ZRANB3: variants seen among roughly 807,000 people sequenced by gnomAD.
ZRANB3 encodes the protein zinc finger RANBP2-type containing 3, also known as DNA annealing helicase and endonuclease ZRANB3.
Under a neutral mutation model 133.8 loss-of-function variants are expected in ZRANB3, and 125 were observed. The observed-to-expected ratio is 0.93, with a 90% CI of 0.81 to 1.08. The LOEUF is 1.08. Ranked by LOEUF, ZRANB3 falls within the 50% of genes least tolerant of loss-of-function variation. ZRANB3 has a pLI of 0.00. For missense variants in ZRANB3, 1,229 were observed against 1,275.5 expected, an observed-to-expected ratio of 0.96 and a Z score of 0.56; for synonymous variants, 387 against 432.7, an observed-to-expected ratio of 0.89 and a Z score of 1.31.
chr2:135,493,421 G>C (rs1692507458), intron 2 of ZRANB3, among the ~76,000 whole-genome samples: 1 of 150,774 alleles, frequency 6.6e-6, no homozygotes, highest in Non-Finnish European at 1.5e-5. Context: ...CTTATATCTA[G>C]AATATAAAAA....
rs370862764 is a variant in ZRANB3, at chr2:135,269,156, G to A, written c.1207-15C>T. ...AATGTTAATCCCTAAGTGAAATAAAGCAAATAAATTGAGAATGTAACATAC... is the reference window on the plus strand; with the variant it reads ...AATGTTAATCCCTAAGTGAAATAAAACAAATAAATTGAGAATGTAACATAC... On this transcript the variant is annotated splice_polypyrimidine_tract_variant and intron_variant, in intron 10 of 20. Transcript: ENST00000264159. 1.9e-6 allele frequency: 3 copies of A among 1,576,580 alleles called. No homozygotes were observed. Among genetic ancestry groups the A allele is most frequent in the Non-Finnish European group, 2.6e-6 (3 of 1,164,128 alleles).
In ZRANB3 at chr2:135,325,846, A is replaced by G. The variant is rs1321953375; in HGVS notation, c.678-10316T>C. Among the ~76,000 whole-genome samples the G allele has an allele frequency of 1.3e-5, 2 of 152,248 alleles. 1 individual carries two copies. The highest frequency in any genetic ancestry group is 1.3e-4 in the Admixed American group (2 of 15,276). On this transcript the variant is annotated intron_variant, in intron 6 of 20. Coordinates refer to ENST00000264159, the MANE Select transcript of ZRANB3 (RefSeq NM_032143.4). ...TCTCCTAACAGAAGAAAACATCACT[A>G]CAAAGGAGAATTGTCTCCAAATATT...
At chr2:135,333,187 C>G (rs1490103583) in intron 6 of ZRANB3, among the ~76,000 whole-genome samples, 1 of 152,072 alleles carries the variant, frequency 6.6e-6, no homozygotes, top group East Asian at 1.9e-4. Flanking sequence ...ACCTTTAACC[C>G]TCTATTTTTC....
At chr2:135,310,465 A>T (rs113336802) in intron 8 of ZRANB3, among the ~76,000 whole-genome samples, 119 of 152,228 alleles carry the variant, frequency 7.8e-4, no homozygotes, top group African/African-American at 2.6e-3. Context: ...AAACAAAAAT[A>T]AAAAAATCAG....
intron 2 of ZRANB3, among the ~76,000 whole-genome samples, chr2:135,451,016 T>C (rs1307682416): frequency 6.6e-6 from 1 of 152,216 alleles, no homozygotes; most frequent in Non-Finnish European, 1.5e-5. Flanking sequence ...AGACCAGGAA[T>C]TGTTTCTGCT....
intron 6 of ZRANB3, among the ~76,000 whole-genome samples, chr2:135,342,475 A>C (rs1421708723): frequency 6.7e-6 from 1 of 149,888 alleles, no homozygotes; most frequent in Non-Finnish European, 1.5e-5. Context: ...TTTCTTGAAA[A>C]TGTTTACCTC....
At chr2:135,404,531 G>A (rs909134589) in intron 2 of ZRANB3, among the ~76,000 whole-genome samples, 4 of 152,172 alleles carry the variant, frequency 2.6e-5, no homozygotes, top group South Asian at 2.1e-4. Flanking sequence ...CACTCTGCAG[G>A]ATATTATCCA....
At chr2:135,213,803 G>T (rs1224176703) in intron 17 of ZRANB3, among the ~76,000 whole-genome samples, 2 of 152,122 alleles carry the variant, frequency 1.3e-5, no homozygotes, top group African/African-American at 4.8e-5. Flanking sequence ...GGACTTTACA[G>T]ATATAATTAG....
Position 135,219,100 on chromosome 2 carries a change from G to A in ZRANB3, c.2329C>T (p.Gln777Ter), listed in dbSNP as rs1365661428. ...ACCAGTGAGCGATATTGTTTCAGCT[G>A]AAAGCTTGCTGGTAAATCTTCCCAA... is the stretch of plus-strand genomic sequence containing the variant. ...DLWEDLPASF[Q>*]LKQYRSLILR... The change falls in exon 16 of 21, where the codon CAG (glutamine) becomes TAG (stop). Residue 777 changes from glutamine (Q) to a stop codon, truncating the protein, a stop_gained. Transcript: ENST00000264159. LOFTEE classifies it high-confidence loss of function. 1.3e-6 allele frequency: 2 copies of A among 1,525,040 alleles called. No individual in the cohort carries two copies. Among genetic ancestry groups the A allele is most frequent in the Non-Finnish European group, 1.8e-6 (2 of 1,141,396 alleles). The allele number at this position is 1,525,040 out of a possible 1,614,324, so 94.5% of individuals were successfully genotyped here. A position where few individuals can be genotyped will look rare whatever the true frequency, so the allele number is the denominator to read the frequency against.
At chr2:135,290,221 G>C (rs1681616674) in intron 8 of ZRANB3, among the ~76,000 whole-genome samples, 1 of 152,072 alleles carries the variant, frequency 6.6e-6, no homozygotes, top group African/African-American at 2.4e-5. Context: ...ATTGTGTTGT[G>C]GTCTATCTAA....
At chr2:135,455,871 G>T (rs1281247409) in intron 2 of ZRANB3, among the ~76,000 whole-genome samples, 2 of 152,058 alleles carry the variant, frequency 1.3e-5, no homozygotes, top group Non-Finnish European at 2.9e-5. Context: ...TGGGATTACA[G>T]GCATGAGCCA....
chr2:135,222,565 A>G (rs1482419032), intron 15 of ZRANB3, among the ~76,000 whole-genome samples: 1 of 152,052 alleles, frequency 6.6e-6, no homozygotes, highest in African/African-American at 2.4e-5. Flanking sequence ...TCATTCTTTC[A>G]CAAATGTATG....
intron 12 of ZRANB3, among the ~76,000 whole-genome samples, chr2:135,233,470 C>A (rs748650966): frequency 1.3e-5 from 2 of 152,140 alleles, no homozygotes; most frequent in African/African-American, 4.8e-5. Flanking sequence ...TCGAGAAGAG[C>A]AACTCCAAGA....
At chr2:135,242,504 G>C (rs904823192) in intron 12 of ZRANB3, among the ~76,000 whole-genome samples, 3 of 151,426 alleles carry the variant, frequency 2.0e-5, no homozygotes, top group Non-Finnish European at 2.9e-5. Flanking sequence ...ACCCAGGGGG[G>C]GCTCAAACTC....
intron 3 of ZRANB3, among the ~76,000 whole-genome samples, chr2:135,367,067 C>G (rs1195784113): frequency 6.6e-6 from 1 of 151,928 alleles, no homozygotes; most frequent in Non-Finnish European, 1.5e-5. Flanking sequence ...ACGTTGGCAC[C>G]AATGATTTTT....
At chr2:135,455,171 C>CATTTTTTTTTTTTTTTTTTTTTTT (rs1690448076) in intron 2 of ZRANB3, among the ~76,000 whole-genome samples, 1 of 37,558 alleles carries the variant, frequency 2.7e-5, no homozygotes, top group African/African-American at 9.5e-5. Context: ...CCTTCTTATA[C>CATTTTTTTTTTTTTTTTTTTTTTT]TTTTTTTTTT....
In ZRANB3 at chr2:135,198,860, G is replaced by A. The variant is rs367679207; in HGVS notation, c.*1482C>T. 7.9e-5 allele frequency: 12 copies of A among 152,320 alleles called. No homozygotes were observed. The East Asian group carries it at 1.9e-3, about 24-fold the overall frequency. 9.4% of individuals were successfully genotyped at this position (152,320 alleles called of 1,614,324 possible). On this transcript the variant is annotated 3_prime_UTR_variant, in exon 21 of 21. Transcript: ENST00000264159. ...AACTGTGGTTGTATAATCTTTGATT[G>A]TATAATCTTTCTAAAAACAAGTCCT...
At chr2:135,478,939 A>AT (rs1691630217) in intron 2 of ZRANB3, among the ~76,000 whole-genome samples, 1 of 151,942 alleles carries the variant, frequency 6.6e-6, no homozygotes, top group South Asian at 2.1e-4. Context: ...ATGTGTATAC[A>AT]TACTTATATA....
At chr2:135,273,520 C>T (rs1680638861) in intron 9 of ZRANB3, among the ~76,000 whole-genome samples, 1 of 151,970 alleles carries the variant, frequency 6.6e-6, no homozygotes, top group Non-Finnish European at 1.5e-5. Flanking sequence ...AATTCACCTC[C>T]AACCCCATGA....
Sources: allele counts gnomAD v4.1 joint callset (sites outside exome capture counted in the v4.1 genomes callset), GRCh38; gene constraint gnomAD v4.1.1; transcripts MANE v1.5; gene names NCBI Gene and HGNC (gene_info 2026-07-23, HGNC 2026-07-21).